C5orf24: variants seen among roughly 807,000 people sequenced by gnomAD.
C5orf24 encodes chromosome 5 open reading frame 24, also known as UPF0461 protein C5orf24.
Under a neutral mutation model 9.8 loss-of-function variants are expected in C5orf24, and 4 were observed. The ratio of observed to expected loss-of-function variants is 0.41; its 90% CI spans 0.20 to 0.93. The LOEUF (loss-of-function observed/expected upper bound fraction) is 0.93. Ranked by LOEUF, C5orf24 falls within the 40% of genes least tolerant of loss-of-function variation. The pLI is 0.33. For synonymous variants in C5orf24, 73 were observed against 81.3 expected (o/e 0.90, Z 0.55); for missense variants, 170 against 236.9 (o/e 0.72, Z 1.85).
intron 1 of C5orf24, among the ~76,000 whole-genome samples, chr5:134,853,757 C>T (rs1264600630): frequency 2.0e-5 from 3 of 152,052 alleles, no homozygotes; most frequent in Admixed American, 6.6e-5. Context: ...GTTGTACATT[C>T]AACTTTTTGT....
At chr5:134,843,676 C>T (rs553139888), upstream of C5orf24, among the ~76,000 whole-genome samples, 79 of 152,334 alleles carry the variant, frequency 5.2e-4, no homozygotes, top group Admixed American at 1.9e-3. Context: ...CTTGCCTCAG[C>T]CTCCCGAGTA....
At chr5:134,846,551 A>G (rs1354105824) in intron 1 of C5orf24, 1 of 152,186 alleles carries the variant, frequency 6.6e-6, no homozygotes, top group African/African-American at 2.4e-5. Context: ...CTCCGAGTGG[A>G]CGGATAGCGG....
chr5:134,855,144 A>G lies in C5orf24; in HGVS notation c.244A>G (p.Lys82Glu). 1 of 1,614,172 alleles carries G rather than the reference A, an allele frequency of 6.2e-7. No individual in the cohort carries two copies. Among genetic ancestry groups the G allele is most frequent in the South Asian group, 1.1e-5 (1 of 91,080 alleles). Residue 82 changes from lysine to glutamate, a missense_variant, in exon 2 of 2, where the codon AAG (lysine) becomes GAG (glutamate). By Grantham distance (56) the Lys-to-Glu change is moderately conservative (BLOSUM62 1). Around this residue, in one of 3 missense-constraint regions of C5orf24, gnomAD observed 93 missense variants for 104.5 expected, o/e 0.89. Transcript: ENST00000394976. ...AATAAAAGATGAACTAAAGAAAAAG[A>G]AGAATCTCAACCGATCTGGTAAGCG... is the stretch of plus-strand genomic sequence containing the variant. ...IEIKDELKKK[K>E]NLNRSGKRGR...
chr5:134,846,986 G>C (rs1421809855), intron 1 of C5orf24: 1 of 152,168 alleles, frequency 6.6e-6, no homozygotes, highest in Non-Finnish European at 1.5e-5. Flanking sequence ...AACAGAACTT[G>C]GGTTTCTTGA....
At chr5:134,838,086 AAAAAC>A in the C5orf24 span, among the ~76,000 whole-genome samples, 4 of 152,264 alleles carry the variant, frequency 2.6e-5, no homozygotes, top group South Asian at 2.1e-4. Context: ...GTCTGTATTT[AAAAAC>A]AAAACAAAAC....
chr5:134,840,643 C>T, the C5orf24 span, among the ~76,000 whole-genome samples: 66 of 152,250 alleles, frequency 4.3e-4, no homozygotes, highest in African/African-American at 1.4e-3. Context: ...AAACAATCTT[C>T]CCACCTCAGC....
chr5:134,844,862 C>G (rs1561883663), upstream of C5orf24, among the ~76,000 whole-genome samples: 1 of 152,152 alleles, frequency 6.6e-6, no homozygotes, highest in Admixed American at 6.5e-5. Context: ...CTCAGCCTTC[C>G]GAGTAGCTGG....
chr5:134,853,488 T>TA (rs1465514439), intron 1 of C5orf24, among the ~76,000 whole-genome samples: 3 of 149,420 alleles, frequency 2.0e-5, no homozygotes, highest in African/African-American at 7.3e-5. Flanking sequence ...GGGATGTCCT[T>TA]ACAGACAAAA....
In C5orf24 at chr5:134,857,406, A is replaced by C; in HGVS notation, c.*1939A>C. 6.5e-7 allele frequency: 1 copy of C among 1,548,502 alleles called. No individual in the cohort carries two copies. Among genetic ancestry groups the C allele is most frequent in the Non-Finnish European group, 8.7e-7 (1 of 1,145,572 alleles). On this transcript the variant is annotated 3_prime_UTR_variant, in exon 2 of 2. Coordinates refer to ENST00000394976, the MANE Select transcript of C5orf24 (RefSeq NM_001135586.1). ...GTTCCAGTGATGCCTGACACAATTG[A>C]GCTGGACTTTATGCTGCTCTTTACA...
At chr5:134,851,215 A>G (rs541693802) in intron 1 of C5orf24, among the ~76,000 whole-genome samples, 1 of 152,262 alleles carries the variant, frequency 6.6e-6, no homozygotes, top group Admixed American at 6.5e-5. Context: ...GGCGTGAGCC[A>G]TCGTGGCCAT....
intron 1 of C5orf24, among the ~76,000 whole-genome samples, chr5:134,852,054 C>T (rs911795016): frequency 1.3e-5 from 2 of 152,348 alleles, no homozygotes; most frequent in African/African-American, 4.8e-5. Context: ...AATTCTCCTG[C>T]CTCAGCCTCC....
upstream of C5orf24, among the ~76,000 whole-genome samples, chr5:134,845,452 T>C (rs1755965098): frequency 6.6e-6 from 1 of 152,216 alleles, no homozygotes; most frequent in Admixed American, 6.6e-5. Flanking sequence ...GTGAGGTGAC[T>C]GATATGTCAG....
At chr5:134,847,450 C>T (rs1339274579) in intron 1 of C5orf24, among the ~76,000 whole-genome samples, 1 of 152,090 alleles carries the variant, frequency 6.6e-6, no homozygotes, top group African/African-American at 2.4e-5. Flanking sequence ...CATGCGCCAC[C>T]ACACCCAGCT....
At chr5:134,854,665 A>G (rs1018261310) in intron 1 of C5orf24, among the ~76,000 whole-genome samples, 2 of 152,226 alleles carry the variant, frequency 1.3e-5, no homozygotes, top group Non-Finnish European at 1.5e-5. Flanking sequence ...TGAAATCAGT[A>G]TTATAATAGA....
rs1756317422 is a variant in C5orf24 at position 134,856,573 on chromosome 5, G to A, written c.*1106G>A. The stretch of plus-strand genomic sequence containing the variant: ...GGAGAATTGCTTAAATCCAGGAGGC[G>A]GAGGTTGCAGTGAGCCAAGATTGTG... On this transcript the variant is annotated 3_prime_UTR_variant, in exon 2 of 2. Transcript: ENST00000394976. The A allele has an allele frequency of 7.8e-6, 3 of 383,704 alleles. No individual in the cohort carries two copies. The highest frequency in any genetic ancestry group is 1.1e-5 in the Non-Finnish European group (3 of 267,642). The allele number at this position is 383,704 out of a possible 1,614,324, so 23.8% of individuals were successfully genotyped here.
chr5:134,839,545 C>T, the C5orf24 span, among the ~76,000 whole-genome samples: 1 of 152,036 alleles, frequency 6.6e-6, no homozygotes, highest in African/African-American at 2.4e-5. Flanking sequence ...TAGTTTTTTT[C>T]AGTTTGGCCT....
At chr5:134,844,994 C>T (rs944523424), upstream of C5orf24, among the ~76,000 whole-genome samples, 35 of 152,196 alleles carry the variant, frequency 2.3e-4, no homozygotes, top group Non-Finnish European at 4.6e-4. Flanking sequence ...CCTCGGCCTC[C>T]CAAAGTGCTG....
At chr5:134,851,318 T>G (rs188409163) in intron 1 of C5orf24, among the ~76,000 whole-genome samples, 9 of 152,274 alleles carry the variant, frequency 5.9e-5, no homozygotes, top group Admixed American at 5.9e-4. Flanking sequence ...TTGTGGATAT[T>G]TGGTGAGGAA....
intron 1 of C5orf24, among the ~76,000 whole-genome samples, chr5:134,850,526 G>C (rs1468771613): frequency 6.7e-6 from 1 of 150,364 alleles, no homozygotes; most frequent in Non-Finnish European, 1.5e-5. Context: ...AGGCTGGAGT[G>C]CAATGTTGCG....
Sources: gnomAD v4.1 joint callset for allele counts (sites outside exome capture counted in the v4.1 genomes callset) on GRCh38, gnomAD v4.1.1 for gene constraint, gnomAD v4.1.1 regional missense constraint, MANE v1.5 for transcripts, NCBI Gene and HGNC (gene_info 2026-07-23, HGNC 2026-07-21) for gene names.